PARM1: variants seen among roughly 807,000 people sequenced by gnomAD.
PARM1 encodes WSC4, cell wall integrity and stress response component 4 homolog.
A neutral mutation model predicts 24.6 loss-of-function variants in PARM1; 14 were observed. The ratio of observed to expected loss-of-function variants is 0.57; its 90% CI spans 0.38 to 0.89. The LOEUF is 0.89. Ranked by LOEUF, PARM1 falls within the 40% of genes least tolerant of loss-of-function variation. The probability of loss-of-function intolerance (pLI) is 0.00; values close to 1 mark genes in which losing one functional copy is unlikely to be tolerated. For synonymous variants in PARM1, 179 were observed against 156.6 expected, an observed-to-expected ratio of 1.14 and a Z score of -1.07; for missense variants, 362 against 380.4, an observed-to-expected ratio of 0.95 and a Z score of 0.40.
chr4:75,035,471 C>T (rs1723352230), intron 3 of PARM1, among the ~76,000 whole-genome samples: 1 of 152,214 alleles, frequency 6.6e-6, no homozygotes, highest in South Asian at 2.1e-4. Context: ...CATGTTTCTT[C>T]CTCAAGAGGC....
chr4:74,985,371 G>A (rs1391769575), intron 1 of PARM1, among the ~76,000 whole-genome samples: 4 of 152,172 alleles, frequency 2.6e-5, no homozygotes, highest in Non-Finnish European at 5.9e-5. Flanking sequence ...GCTAGGCCTT[G>A]CATTTTGGCA....
At chr4:74,954,529 A>G (rs1299861226) in intron 1 of PARM1, among the ~76,000 whole-genome samples, 1 of 152,240 alleles carries the variant, frequency 6.6e-6, no homozygotes, top group Non-Finnish European at 1.5e-5. Context: ...CTGTTTTGAA[A>G]TTATGGACAT....
In PARM1 at chr4:75,049,251, G is replaced by T. The variant is rs1157623629; in HGVS notation, c.*3004G>T. 3.3e-5 allele frequency: 5 copies of T among 152,180 alleles called. No homozygotes were observed. Among genetic ancestry groups the T allele is most frequent in the Non-Finnish European group, 7.3e-5 (5 of 68,044 alleles). 9.4% of individuals were successfully genotyped at this position (152,180 alleles called of 1,614,324 possible). The stretch of plus-strand genomic sequence containing the variant: ...CTGTGTCTTCATTTCTAAAATGGGG[G>T]TGATGCTTTCATATTGACCTCACCC... On this transcript the variant is annotated 3_prime_UTR_variant, in exon 4 of 4. Transcript: ENST00000307428.
intron 1 of PARM1, among the ~76,000 whole-genome samples, chr4:74,934,996 C>CTTTTTTTTTT (rs11392364): frequency 2.0e-4 from 23 of 116,502 alleles, no homozygotes; most frequent in Admixed American, 3.7e-4. Context: ...GCTCTTTTTT[C>CTTTTTTTTTT]TTTTTTTTTT....
chr4:74,996,015 CATA>C (rs2109783154), intron 1 of PARM1, among the ~76,000 whole-genome samples: 1 of 152,198 alleles, frequency 6.6e-6, no homozygotes, highest in African/African-American at 2.4e-5. Flanking sequence ...GGATTTTTGA[CATA>C]ATGCTTTTAA....
At chr4:75,009,889 T>C (rs1258791456) in intron 1 of PARM1, among the ~76,000 whole-genome samples, 1 of 152,154 alleles carries the variant, frequency 6.6e-6, no homozygotes, top group Non-Finnish European at 1.5e-5. Context: ...AAATATGTAA[T>C]TTCAGGAAAA....
At position 74,943,589 on chromosome 4, in the gene PARM1, C is replaced by A. The variant is rs562390558; in HGVS notation, c.43+10219C>A. Among the ~76,000 whole-genome samples the A allele has an allele frequency of 7.9e-5, 12 of 151,950 alleles. No individual in the cohort carries two copies. The South Asian group carries it at 1.0e-3, about 13-fold the overall frequency. ...CAGCTATTTTTGAGCTATACACATA[C>A]AAAATTTTTCTTCTTAAAATGTAAG... On this transcript the variant is annotated intron_variant, in intron 1 of 3. Coordinates refer to ENST00000307428, the MANE Select transcript of PARM1 (RefSeq NM_015393.4).
At position 75,035,851 on chromosome 4, in the gene PARM1, T is replaced by A. The variant is rs536820534; in HGVS notation, c.848+1890T>A. Among the ~76,000 whole-genome samples, 9 of 152,106 alleles carry A rather than the reference T, an allele frequency of 5.9e-5. No individual in the cohort carries two copies. The South Asian group carries it at 1.9e-3, about 32-fold the overall frequency. ...AGCATCCAGAAGTTTCCCCCAGATT[T>A]AAAAAAAATATTTCTCTTCATTAAG... On this transcript the variant is annotated intron_variant, in intron 3 of 3. Transcript: ENST00000307428.
intron 1 of PARM1, among the ~76,000 whole-genome samples, chr4:74,938,702 G>T (rs1236862619): frequency 6.6e-6 from 1 of 152,120 alleles, no homozygotes; most frequent in African/African-American, 2.4e-5. Flanking sequence ...AAATGATAGG[G>T]TTGATGTAAC....
rs1723685590 is a variant in PARM1 at position 75,049,871 on chromosome 4, T to C, written c.*3624T>C. 6.6e-6 allele frequency: 1 copy of C among 151,746 alleles called. No individual in the cohort carries two copies. 9.4% of individuals were successfully genotyped at this position (151,746 alleles called of 1,614,324 possible). A position where few individuals can be genotyped will look rare whatever the true frequency, so the allele number is the denominator to read the frequency against. On this transcript the variant is annotated 3_prime_UTR_variant, in exon 4 of 4. Transcript: ENST00000307428. Reference sequence around the variant, plus strand: ...TGCCTTTAAGCCTTTTTTTTCTTTTTTTTTTTTTTGGCAAATGAATGTACC... The same window carrying C: ...TGCCTTTAAGCCTTTTTTTTCTTTTCTTTTTTTTTGGCAAATGAATGTACC...
At chr4:74,935,368 AT>A (rs1391772854) in intron 1 of PARM1, among the ~76,000 whole-genome samples, 2 of 152,238 alleles carry the variant, frequency 1.3e-5, no homozygotes, top group Admixed American at 1.3e-4. Context: ...GTCCGAAAAA[AT>A]AATATAAAAA....
At chr4:75,033,242 C>T (rs1199722026) in intron 2 of PARM1, among the ~76,000 whole-genome samples, 1 of 152,116 alleles carries the variant, frequency 6.6e-6, no homozygotes, top group Non-Finnish European at 1.5e-5. Flanking sequence ...TCACTTTAGT[C>T]TCTATAAAAC....
chr4:74,972,309 C>A (rs952432856), intron 1 of PARM1, among the ~76,000 whole-genome samples: 6 of 152,158 alleles, frequency 3.9e-5, no homozygotes, highest in African/African-American at 1.4e-4. Flanking sequence ...TTTTGCAATG[C>A]AAAAAGAAAA....
intron 1 of PARM1, among the ~76,000 whole-genome samples, chr4:74,994,806 A>AAAT (rs1560786297): frequency 6.7e-6 from 1 of 150,366 alleles, no homozygotes; most frequent in Non-Finnish European, 1.5e-5. Context: ...AAATATAAAT[A>AAAT]AATAAATAAA....
chr4:75,009,128 A>G (rs992771668), intron 1 of PARM1, among the ~76,000 whole-genome samples: 1 of 152,356 alleles, frequency 6.6e-6, no homozygotes. Context: ...GACCACCGTA[A>G]CAGCATGGAA....
At chr4:74,940,565 C>A (rs1277433473) in intron 1 of PARM1, among the ~76,000 whole-genome samples, 1 of 152,182 alleles carries the variant, frequency 6.6e-6, no homozygotes, top group Non-Finnish European at 1.5e-5. Flanking sequence ...TTCCTAAAGA[C>A]CCCACCTCCT....
At chr4:74,970,651 G>A (rs1243031453) in intron 1 of PARM1, among the ~76,000 whole-genome samples, 1 of 152,166 alleles carries the variant, frequency 6.6e-6, no homozygotes, top group Non-Finnish European at 1.5e-5. Flanking sequence ...ATTTTACCGA[G>A]CATGTTTCAA....
intron 1 of PARM1, chr4:74,956,178 T>C (rs751768120): frequency 1.3e-5 from 2 of 152,184 alleles, no homozygotes; most frequent in Non-Finnish European, 2.9e-5. Context: ...ACTCATAGAA[T>C]TGAGGTGACA....
intron 1 of PARM1, among the ~76,000 whole-genome samples, chr4:74,994,838 G>T (rs1187399735): frequency 1.6e-5 from 2 of 124,832 alleles, no homozygotes; most frequent in African/African-American, 5.6e-5. Context: ...ATAAATAAAT[G>T]GCAATGTAAA....
Sources: allele counts gnomAD v4.1 joint callset (sites outside exome capture counted in the v4.1 genomes callset), GRCh38; gene constraint gnomAD v4.1.1; transcripts MANE v1.5; gene names NCBI Gene and HGNC (gene_info 2026-07-23, HGNC 2026-07-21).